The following FAM199X variants were observed in gnomAD, a reference collection of about 807,000 sequenced individuals.
FAM199X encodes the protein family with sequence similarity 199, X-linked.
FAM199X carries 4 observed loss-of-function variants against 22.9 expected under a neutral mutation model. The observed-to-expected ratio is 0.17, with a 90% CI of 0.09 to 0.40. The LOEUF (loss-of-function observed/expected upper bound fraction) is 0.40. Among genes scored for constraint, FAM199X ranks in the 10% least tolerant of loss-of-function variants. FAM199X has a pLI of 1.00. For missense variants in FAM199X, 183 were observed against 306.8 expected, an observed-to-expected ratio of 0.60 and a Z score of 3.01; for synonymous variants, 101 against 112.3, an observed-to-expected ratio of 0.90 and a Z score of 0.64.
intron 2 of FAM199X, among the ~76,000 whole-genome samples, chrX:104,181,930 A>ATCCATTCAGT (rs1325712504): frequency 9.5e-6 from 1 of 105,790 alleles, no homozygotes; most frequent in East Asian, 3.0e-4. Context: ...GAGACTCTTT[A>ATCCATTCAGT]TTACCTTATC....
chrX:104,167,527 A>C (rs1379941093), intron 1 of FAM199X, among the ~76,000 whole-genome samples: 1 of 106,526 alleles, frequency 9.4e-6, no homozygotes, highest in Admixed American at 1.0e-4. Flanking sequence ...TTTTTTTTTT[A>C]GTTGAGCGCT....
intron 2 of FAM199X, among the ~76,000 whole-genome samples, chrX:104,183,916 C>G (rs1449553366): frequency 3.6e-5 from 4 of 111,857 alleles, no homozygotes; most frequent in African/African-American, 1.3e-4. Context: ...TAGACAATTT[C>G]ATTTTAAACA....
upstream of FAM199X, among the ~76,000 whole-genome samples, chrX:104,161,930 AT>A (rs1357357006): frequency 8.9e-6 from 1 of 112,070 alleles, no homozygotes; most frequent in Non-Finnish European, 1.9e-5. Flanking sequence ...TTTCTCAAAA[AT>A]TTTTTTGCCA....
intron 1 of FAM199X, among the ~76,000 whole-genome samples, chrX:104,170,844 T>C (rs1556375240): frequency 1.8e-5 from 2 of 111,359 alleles, no homozygotes. Flanking sequence ...AGTAGGGAAC[T>C]TAAGTGGGTA....
chrX:104,179,958 A>C (rs782538194), intron 2 of FAM199X, among the ~76,000 whole-genome samples: 42 of 98,073 alleles, frequency 4.3e-4, no homozygotes, highest in African/African-American at 1.4e-3. Flanking sequence ...TTTTCATGAT[A>C]TTGATAATGA....
chrX:104,157,524 T>C, the FAM199X span, among the ~76,000 whole-genome samples: 2 of 112,028 alleles, frequency 1.8e-5, no homozygotes, highest in African/African-American at 6.5e-5. Context: ...GGCTTTTTCA[T>C]CTGTAGAATT....
upstream of FAM199X, among the ~76,000 whole-genome samples, chrX:104,162,361 C>T (rs1347683855): frequency 1.8e-5 from 2 of 112,065 alleles, no homozygotes; most frequent in African/African-American, 6.5e-5. Context: ...AGGATTGGCT[C>T]TTTGAGGTTC....
Position 104,195,774 on chromosome X carries a change from CTTTAGTGTTATTAAATATTT to C in FAM199X, c.*5998_*6017del, listed in dbSNP as rs782445346. 3 of 110,504 alleles carry C rather than the reference CTTTAGTGTTATTAAATATTT, an allele frequency of 2.7e-5. No homozygotes were observed. The highest frequency in any genetic ancestry group is 1.9e-4 in the Admixed American group (2 of 10,457). The allele number at this position is 110,504 out of a possible 1,213,427, so 9.1% of individuals were successfully genotyped here. Reference sequence around the variant, plus strand: ...GGAATAGAACTTATTCTCAAAATTCCTTTAGTGTTATTAAATATTTTCATTTATTAGTCAAAGGTAAGTTA... The same window carrying C: ...GGAATAGAACTTATTCTCAAAATTCCTCATTTATTAGTCAAAGGTAAGTTA... On this transcript the variant is annotated 3_prime_UTR_variant, in exon 6 of 6. Transcript: ENST00000493442.
chrX:104,174,376 G>A (rs1556375987), intron 1 of FAM199X, among the ~76,000 whole-genome samples: 2 of 111,398 alleles, frequency 1.8e-5, no homozygotes, highest in African/African-American at 6.5e-5. Flanking sequence ...GTGCTGTTAA[G>A]ATTGTGATGA....
Position 104,193,212 on chromosome X carries a change from A to G in FAM199X, c.*3434A>G, listed in dbSNP as rs1921982380. 8.9e-6 allele frequency: 1 copy of G among 111,811 alleles called. No homozygotes were observed. Among genetic ancestry groups the G allele is most frequent in the South Asian group, 3.7e-4 (1 of 2,724 alleles). The allele number at this position is 111,811 out of a possible 1,213,427, so 9.2% of individuals were successfully genotyped here. On this transcript the variant is annotated 3_prime_UTR_variant, in exon 6 of 6. Transcript: ENST00000493442. Reference sequence around the variant, plus strand: ...TAAGCAAAGCCATTAAATCGAACCAATCAATGCTAATAGAGTATAAAAACA... The same window carrying G: ...TAAGCAAAGCCATTAAATCGAACCAGTCAATGCTAATAGAGTATAAAAACA...
rs1921950577 is a variant in FAM199X, at chrX:104,191,876, C to G, written c.*2098C>G. On this transcript the variant is annotated 3_prime_UTR_variant, in exon 6 of 6. Coordinates refer to ENST00000493442, the MANE Select transcript of FAM199X (RefSeq NM_207318.4). ...ATTACTTTCAATTTAACTTGAGTCA[C>G]TATTAAGCAAGTTTACCAAAGTGCC... The G allele has an allele frequency of 8.9e-6, 1 of 111,809 alleles. No homozygotes were observed. Among genetic ancestry groups the G allele is most frequent in the Non-Finnish European group, 1.9e-5 (1 of 53,083 alleles). 9.2% of individuals were successfully genotyped at this position (111,809 alleles called of 1,213,427 possible). A position where few individuals can be genotyped will look rare whatever the true frequency, so the allele number is the denominator to read the frequency against.
Position 104,191,304 on chromosome X carries a change from G to A in FAM199X, c.*1526G>A, listed in dbSNP as rs1921934815. 1 of 111,868 alleles carries A rather than the reference G, an allele frequency of 8.9e-6. No individual in the cohort carries two copies. Among genetic ancestry groups the A allele is most frequent in the South Asian group, 3.7e-4 (1 of 2,709 alleles). The allele number at this position is 111,868 out of a possible 1,213,427, so 9.2% of individuals were successfully genotyped here. On this transcript the variant is annotated 3_prime_UTR_variant, in exon 6 of 6. Transcript: ENST00000493442. ...TTGATTTCATTTTCGTTCCTTGAAGGTTAAAGAATGGAAACTGGGGATAAA... is the reference window on the plus strand; with the variant it reads ...TTGATTTCATTTTCGTTCCTTGAAGATTAAAGAATGGAAACTGGGGATAAA...
At chrX:104,160,845 C>G in the FAM199X span, among the ~76,000 whole-genome samples, 8 of 111,229 alleles carry the variant, frequency 7.2e-5, no homozygotes, top group Non-Finnish European at 1.1e-4. Flanking sequence ...CATCTAGCAT[C>G]TCCTCCAAAG....
intron 2 of FAM199X, among the ~76,000 whole-genome samples, chrX:104,180,907 G>T (rs898918871): frequency 1.8e-5 from 2 of 112,309 alleles, no homozygotes; most frequent in African/African-American, 3.2e-5. Context: ...TCTCTGGGAA[G>T]AAAAATGCTC....
upstream of FAM199X, among the ~76,000 whole-genome samples, chrX:104,163,178 A>G (rs1256572207): frequency 1.1e-4 from 12 of 110,982 alleles, no homozygotes; most frequent in Admixed American, 1.2e-3. Context: ...TATAAGGGTT[A>G]GATCACCAGT....
At chrX:104,172,239 CAA>C (rs782684130) in intron 1 of FAM199X, among the ~76,000 whole-genome samples, 12 of 63,729 alleles carry the variant, frequency 1.9e-4, no homozygotes, top group Non-Finnish European at 2.5e-4. Context: ...CTTTCTCTTC[CAA>C]AAAAAAAAAA....
chrX:104,193,382 A>C lies in FAM199X; in HGVS notation c.*3604A>C, dbSNP rs1286790561. The C allele has an allele frequency of 8.9e-6, 1 of 111,813 alleles. No homozygotes were observed. The highest frequency in any genetic ancestry group is 2.8e-4 in the East Asian group (1 of 3,589). The allele number at this position is 111,813 out of a possible 1,213,427, so 9.2% of individuals were successfully genotyped here. On this transcript the variant is annotated 3_prime_UTR_variant, in exon 6 of 6. Transcript: ENST00000493442. ...ATCATATGCCAGGATACTTCTTCAA[A>C]CCAGATCACTTTTAATATCTAGAAA... is the stretch of plus-strand genomic sequence containing the variant.
In FAM199X at chrX:104,191,559, A is replaced by T. The variant is rs1921940255; in HGVS notation, c.*1781A>T. 2 of 111,968 alleles carry T rather than the reference A, an allele frequency of 1.8e-5. No individual in the cohort carries two copies. The highest frequency in any genetic ancestry group is 9.5e-5 in the Admixed American group (1 of 10,517). The allele number at this position is 111,968 out of a possible 1,213,427, so 9.2% of individuals were successfully genotyped here. ...CCAGAATACTCTGTGGAGGTGGAAC[A>T]ACTTAACCTCACTGTTTTCCCTTCC... On this transcript the variant is annotated 3_prime_UTR_variant, in exon 6 of 6. Transcript: ENST00000493442.
At chrX:104,184,444 CTT>C (rs1556378576) in intron 2 of FAM199X, among the ~76,000 whole-genome samples, 2 of 111,960 alleles carry the variant, frequency 1.8e-5, no homozygotes, top group African/African-American at 6.5e-5. Flanking sequence ...GAAGAAAAGA[CTT>C]TACCTTTTTG....
Sources: gnomAD v4.1 joint callset for allele counts (sites outside exome capture counted in the v4.1 genomes callset) on GRCh38, gnomAD v4.1.1 for gene constraint, MANE v1.5 for transcripts, NCBI Gene and HGNC (gene_info 2026-07-23, HGNC 2026-07-21) for gene names.